The following DNAJC5B variants were observed in gnomAD, a reference collection of about 807,000 sequenced individuals.
DNAJC5B encodes the protein dnaJ homolog subfamily C member 5B.
Under a neutral mutation model 24.7 loss-of-function variants are expected in DNAJC5B, and 23 were observed. That is an observed-to-expected ratio of 0.93 (90% CI 0.67 to 1.32). The LOEUF (loss-of-function observed/expected upper bound fraction) is 1.32. Among genes scored for constraint, DNAJC5B ranks in the 40% most tolerant of loss-of-function variants. The pLI is 0.00. For synonymous variants in DNAJC5B, 101 were observed against 90.1 expected (o/e 1.12, Z -0.68); for missense variants, 238 against 240.8 (o/e 0.99, Z 0.08).
At chr8:66,060,700 T>A (rs534058535) in intron 3 of DNAJC5B, among the ~76,000 whole-genome samples, 1 of 152,338 alleles carries the variant, frequency 6.6e-6, no homozygotes, top group South Asian at 2.1e-4. Flanking sequence ...TCCATACTGC[T>A]ACCTAATGAT....
At chr8:66,038,124 C>T (rs1162610516) in intron 1 of DNAJC5B, among the ~76,000 whole-genome samples, 1 of 152,226 alleles carries the variant, frequency 6.6e-6, no homozygotes, top group Non-Finnish European at 1.5e-5. Context: ...TAATTGGTAG[C>T]AGATCATTTG....
chr8:66,064,628 T>G (rs759717349), intron 3 of DNAJC5B, among the ~76,000 whole-genome samples: 1 of 152,254 alleles, frequency 6.6e-6, no homozygotes, highest in Non-Finnish European at 1.5e-5. Flanking sequence ...AAACTTTTAT[T>G]GGGAGCTTGG....
chr8:66,072,430 A>C (rs1329931336), intron 3 of DNAJC5B, among the ~76,000 whole-genome samples: 1 of 152,200 alleles, frequency 6.6e-6, no homozygotes, highest in African/African-American at 2.4e-5. Flanking sequence ...CTATAAAAAC[A>C]AAGTACCCAA....
the DNAJC5B span, among the ~76,000 whole-genome samples, chr8:66,016,441 T>G: frequency 1.3e-5 from 2 of 152,162 alleles, no homozygotes; most frequent in African/African-American, 4.8e-5. Flanking sequence ...TCTGCCACAC[T>G]GGGAAGAAGG....
At chr8:66,076,058 T>C (rs57165097) in intron 3 of DNAJC5B, among the ~76,000 whole-genome samples, 3,007 of 152,278 alleles carry the variant, frequency 0.02, 105 homozygotes, top group African/African-American at 0.068. Context: ...AAAATTTCTA[T>C]AGATTATTAA....
intron 1 of DNAJC5B, among the ~76,000 whole-genome samples, chr8:66,027,057 C>G (rs866125314): frequency 1.3e-5 from 2 of 152,292 alleles, no homozygotes; most frequent in Middle Eastern, 6.8e-3. Flanking sequence ...TCCTTTCAAG[C>G]CACTCCTCGT....
chr8:66,082,270 T>C (rs1053867435), intron 5 of DNAJC5B, among the ~76,000 whole-genome samples: 14 of 151,880 alleles, frequency 9.2e-5, no homozygotes. Context: ...GAACTTTTCC[T>C]TTACAGTGGG....
In DNAJC5B at chr8:66,076,623, A is replaced by G. The variant is rs1308226005; in HGVS notation, c.120-37A>G. ...AAACGCCATGGTTCATTCTTGTCAAATAACACACTCTCCTTGTTTTTCTTT... is the reference window on the plus strand; with the variant it reads ...AAACGCCATGGTTCATTCTTGTCAAGTAACACACTCTCCTTGTTTTTCTTT... On this transcript the variant is annotated intron_variant, in intron 3 of 5. Coordinates refer to ENST00000276570, the MANE Select transcript of DNAJC5B (RefSeq NM_033105.6). The G allele has an allele frequency of 3.1e-6, 5 of 1,609,710 alleles. No individual in the cohort carries two copies. The Admixed American group carries it at 8.4e-5, about 27-fold the overall frequency.
intron 3 of DNAJC5B, among the ~76,000 whole-genome samples, chr8:66,060,043 C>G (rs1284291966): frequency 1.3e-5 from 2 of 152,212 alleles, no homozygotes; most frequent in East Asian, 3.8e-4. Flanking sequence ...GTGGATGGCT[C>G]CTTTCCTCCT....
intron 3 of DNAJC5B, among the ~76,000 whole-genome samples, chr8:66,065,778 C>T (rs1199523144): frequency 2.0e-5 from 3 of 152,082 alleles, no homozygotes; most frequent in Non-Finnish European, 2.9e-5. Flanking sequence ...TAAGACTGCC[C>T]AGGGGCTTTC....
chr8:66,042,734 TC>T (rs1806642213), intron 1 of DNAJC5B, among the ~76,000 whole-genome samples: 1 of 116,234 alleles, frequency 8.6e-6, no homozygotes, highest in African/African-American at 3.2e-5. Context: ...GCACCCCTCT[TC>T]TTCGTCTTCT....
intron 3 of DNAJC5B, 137 bp downstream of exon 3, chr8:66,051,803 C>T (rs560660097): frequency 5.0e-5 from 34 of 674,462 alleles, no homozygotes; most frequent in Admixed American, 1.8e-4. Context: ...TGCTCTACAA[C>T]ATAGGAGTTA....
At chr8:66,055,679 CT>C (rs1806946392) in intron 3 of DNAJC5B, among the ~76,000 whole-genome samples, 1 of 152,148 alleles carries the variant, frequency 6.6e-6, no homozygotes, top group Non-Finnish European at 1.5e-5. Context: ...TGGCTCACAC[CT>C]GTAATCCCAG....
At chr8:66,029,269 T>A (rs552306659) in intron 1 of DNAJC5B, among the ~76,000 whole-genome samples, 2 of 152,338 alleles carry the variant, frequency 1.3e-5, no homozygotes, top group Non-Finnish European at 2.9e-5. Flanking sequence ...AAGAATGTTT[T>A]GAGACAGGGA....
rs538898617 is a variant in DNAJC5B at position 66,080,642 on chromosome 8, A to G, written c.505+94A>G. 1.3e-5 allele frequency: 15 copies of G among 1,128,132 alleles called. No individual in the cohort carries two copies. In the African/African-American group the frequency reaches 2.0e-4, roughly 15 times the overall value. The allele number at this position is 1,128,132 out of a possible 1,614,324, so 69.9% of individuals were successfully genotyped here. ...GGGACAGCTATCACTATAGTAGGAG[A>G]GCTCCCACAACCAAATGGGTGGAAC... On this transcript the variant is annotated intron_variant, in intron 5 of 5. Coordinates refer to ENST00000276570, the MANE Select transcript of DNAJC5B (RefSeq NM_033105.6).
upstream of DNAJC5B, among the ~76,000 whole-genome samples, chr8:66,020,594 CTGTGTGTGTG>C (rs10526018): frequency 0.055 from 7,328 of 132,280 alleles, 235 homozygotes; most frequent in South Asian, 0.12. Flanking sequence ...AATCAATACT[CTGTGTGTGTG>C]TGTGTGTGTG....
chr8:66,064,052 ATTGAGTAAGATGGT>A (rs1563600356), intron 3 of DNAJC5B, among the ~76,000 whole-genome samples: 1 of 152,190 alleles, frequency 6.6e-6, no homozygotes, highest in Non-Finnish European at 1.5e-5. Flanking sequence ...TGATTAAGAA[ATTGAGTAAGATGGT>A]TTGAGTAGCA....
At chr8:66,081,411 A>G (rs566336663) in intron 5 of DNAJC5B, among the ~76,000 whole-genome samples, 1 of 152,248 alleles carries the variant, frequency 6.6e-6, no homozygotes, top group East Asian at 1.9e-4. Context: ...TGAATCCCCA[A>G]AAAACCTAGA....
chr8:66,092,256 T>A (rs1037359369), intron 5 of DNAJC5B, among the ~76,000 whole-genome samples: 12 of 152,180 alleles, frequency 7.9e-5, no homozygotes, highest in Non-Finnish European at 1.5e-4. Context: ...ACACCCTTCC[T>A]TCAGAAAAGG....
Sources: gnomAD v4.1 joint callset for allele counts (sites outside exome capture counted in the v4.1 genomes callset) on GRCh38, gnomAD v4.1.1 for gene constraint, MANE v1.5 for transcripts, NCBI Gene and HGNC (gene_info 2026-07-23, HGNC 2026-07-21) for gene names.